Variants in SNX25 observed in about 807,000 individuals in gnomAD.
SNX25 encodes sorting nexin-25.
SNX25 carries 62 observed loss-of-function variants against 113.7 expected under a neutral mutation model. The observed-to-expected ratio is 0.55, with a 90% CI of 0.44 to 0.67. SNX25 has a LOEUF of 0.67. SNX25 is among the 30% of genes least tolerant of loss of function. The probability of loss-of-function intolerance (pLI) is 0.00; values close to 1 mark genes in which losing one functional copy is unlikely to be tolerated. For synonymous variants in SNX25, 421 were observed against 436.2 expected, an observed-to-expected ratio of 0.97 and a Z score of 0.43; for missense variants, 1,014 against 1,161.0, an observed-to-expected ratio of 0.87 and a Z score of 1.84.
chr4:185,346,758 G>A, intron 13 of SNX25, 108 bp downstream of exon 13: 1 of 656,218 alleles, frequency 1.5e-6, no homozygotes, highest in Non-Finnish European at 2.6e-6. Context: ...CACAAGCCAT[G>A]CTAGATGCTA....
intron 5 of SNX25, among the ~76,000 whole-genome samples, chr4:185,284,456 T>C (rs1401775260): frequency 6.6e-6 from 1 of 152,180 alleles, no homozygotes; most frequent in Middle Eastern, 3.4e-3. Context: ...AAGTAATATA[T>C]GTAAGATCTA....
chr4:185,362,415 TA>T (rs1212791724), intron 17 of SNX25, 195 bp from the exon 18 acceptor site: 3 of 918,000 alleles, frequency 3.3e-6, no homozygotes, highest in Non-Finnish European at 3.9e-6. Flanking sequence ...TGAAAAATAT[TA>T]AAATTGTAAT....
At chr4:185,346,391 G>C in intron 12 of SNX25, 146 bp from the exon 13 acceptor site, 1 of 606,870 alleles carries the variant, frequency 1.6e-6, no homozygotes, top group Non-Finnish European at 2.9e-6. Flanking sequence ...CCAATTCTTC[G>C]AGCCTCATTA....
At chr4:185,235,992 C>T (rs1023711438) in intron 1 of SNX25, among the ~76,000 whole-genome samples, 5 of 152,206 alleles carry the variant, frequency 3.3e-5, no homozygotes, top group Admixed American at 6.5e-5. Context: ...CTGGAGTCAA[C>T]ACAATCTGTG....
chr4:185,247,745 TA>T (rs886071022), intron 2 of SNX25, among the ~76,000 whole-genome samples: 1 of 152,148 alleles, frequency 6.6e-6, no homozygotes, highest in African/African-American at 2.4e-5. Context: ...CACTCATAGA[TA>T]AACCAGTTAA....
At chr4:185,317,153 G>A (rs1224269976) in intron 7 of SNX25, among the ~76,000 whole-genome samples, 1 of 152,072 alleles carries the variant, frequency 6.6e-6, no homozygotes, top group Non-Finnish European at 1.5e-5. Flanking sequence ...TCAAAAAGTG[G>A]GCAAAGGATA....
At chr4:185,367,060 C>A (rs183507953), downstream of SNX25, 205 of 860,498 alleles carry the variant, frequency 2.4e-4, no homozygotes, top group Non-Finnish European at 3.4e-4. Context: ...AACATGTCAC[C>A]TGTAAAATAC....
Position 185,361,900 on chromosome 4 carries a change from CA to C in SNX25, c.2652-22del, listed in dbSNP as rs774095927. On this transcript the variant is annotated intron_variant, in intron 16 of 18. Transcript: ENST00000652585. ...GTACACAATTTTTAAAAACCTCATC[CA>C]AGAAATCTTTTTCTCTTAAAAGACA... 2 of 1,609,756 alleles carry C rather than the reference CA, an allele frequency of 1.2e-6. 1 individual carries two copies. The highest frequency in any genetic ancestry group is 2.2e-5 in the South Asian group (2 of 90,546).
chr4:185,214,882 T>C (rs546260678), intron 1 of SNX25, among the ~76,000 whole-genome samples: 16 of 152,282 alleles, frequency 1.1e-4, no homozygotes, highest in Admixed American at 3.3e-4. Context: ...GGTCTGAAAT[T>C]TCAAGCACAG....
chr4:185,332,452 C>T, intron 9 of SNX25, 143 bp from the exon 10 acceptor site: 1 of 791,764 alleles, frequency 1.3e-6, no homozygotes, highest in Non-Finnish European at 1.8e-6. Context: ...TTTCTCTTTG[C>T]TGAGAAAAAG....
chr4:185,313,961 TA>T (rs1210207954), intron 7 of SNX25, among the ~76,000 whole-genome samples: 1 of 152,152 alleles, frequency 6.6e-6, no homozygotes, highest in Admixed American at 6.5e-5. Flanking sequence ...TACTACTCAC[TA>T]AGTGGAAGTG....
At chr4:185,374,007 C>T, downstream of SNX25, 1 of 757,148 alleles carries the variant, frequency 1.3e-6, no homozygotes, top group Non-Finnish European at 2.1e-6. Flanking sequence ...AAAATGTATG[C>T]TTTCTTTACA....
chr4:185,219,190 C>T (rs967242035), intron 1 of SNX25, among the ~76,000 whole-genome samples: 5 of 152,192 alleles, frequency 3.3e-5, no homozygotes, highest in African/African-American at 1.2e-4. Context: ...CGGGGTTTAT[C>T]TAAGCCAAGG....
intron 13 of SNX25, among the ~76,000 whole-genome samples, chr4:185,349,785 A>G (rs1303764927): frequency 1.3e-5 from 2 of 152,208 alleles, no homozygotes; most frequent in Non-Finnish European, 2.9e-5. Context: ...TCATTTGAAT[A>G]TAATTTAAGG....
At chr4:185,244,908 TG>T (rs1744614430) in intron 1 of SNX25, among the ~76,000 whole-genome samples, 2 of 152,148 alleles carry the variant, frequency 1.3e-5, no homozygotes, top group Non-Finnish European at 2.9e-5. Flanking sequence ...ATGACATCCT[TG>T]GCACTTGATC....
At chr4:185,250,811 A>G (rs1429714067) in intron 2 of SNX25, among the ~76,000 whole-genome samples, 3 of 151,554 alleles carry the variant, frequency 2.0e-5, no homozygotes, top group Non-Finnish European at 2.9e-5. Context: ...GTAGTTTTTA[A>G]ATTTTTTTTT....
In SNX25 at chr4:185,226,986, T is replaced by C. The variant is rs540214479; in HGVS notation, c.429+16731T>C. ...TAGGGCAGGCTCCATGTGGAGACCA[T>C]TGAGCCTCCAGGACCATTTCTCTGT... is the stretch of plus-strand genomic sequence containing the variant. On this transcript the variant is annotated intron_variant, in intron 1 of 18. Coordinates refer to ENST00000652585, the MANE Select transcript of SNX25 (RefSeq NM_001378034.2). Among the ~76,000 whole-genome samples the C allele has an allele frequency of 2.9e-3, 436 of 152,330 alleles. 6 individuals carry two copies. Among genetic ancestry groups the C allele is most frequent in the African/African-American group, 1.0e-2 (415 of 41,574 alleles).
chr4:185,351,929 A>C (rs2095317381), intron 14 of SNX25, among the ~76,000 whole-genome samples: 1 of 151,664 alleles, frequency 6.6e-6, no homozygotes, highest in Non-Finnish European at 1.5e-5. Context: ...TTCATGCTGA[A>C]GGTTCACAGT....
chr4:185,240,175 C>T (rs1743506594), intron 1 of SNX25, among the ~76,000 whole-genome samples: 1 of 152,054 alleles, frequency 6.6e-6, no homozygotes, highest in South Asian at 2.1e-4. Context: ...TCTTTCTACA[C>T]AGACATGGCA....
Sources: allele counts gnomAD v4.1 joint callset (sites outside exome capture counted in the v4.1 genomes callset), GRCh38; gene constraint gnomAD v4.1.1; transcripts MANE v1.5; gene names NCBI Gene and HGNC (gene_info 2026-07-23, HGNC 2026-07-21).